NDST4: variants seen among roughly 807,000 people sequenced by gnomAD.
The protein encoded by NDST4 is N-deacetylase and N-sulfotransferase 4, also known as N-heparan sulfate sulfotransferase 4.
NDST4 carries 63 observed loss-of-function variants against 100.8 expected under a neutral mutation model. The observed-to-expected ratio is 0.62, with a 90% CI of 0.51 to 0.77. NDST4 has a LOEUF of 0.77. NDST4 is among the 30% of genes least tolerant of loss of function. NDST4 has a pLI of 0.00. For synonymous variants in NDST4, 377 were observed against 361.8 expected (o/e 1.04, Z -0.48); for missense variants, 943 against 1,018.4 (o/e 0.93, Z 1.01).
chr4:115,074,795 A>G (rs189676034), intron 2 of NDST4, among the ~76,000 whole-genome samples: 1 of 152,306 alleles, frequency 6.6e-6, no homozygotes, highest in East Asian at 1.9e-4. Flanking sequence ...TCTTTGGAAG[A>G]TAAACACTTT....
intron 4 of NDST4, among the ~76,000 whole-genome samples, chr4:114,943,689 A>G (rs1048682434): frequency 6.6e-6 from 1 of 152,218 alleles, no homozygotes; most frequent in Non-Finnish European, 1.5e-5. Flanking sequence ...ACAGTATACT[A>G]GAGCTTGGAA....
At chr4:115,031,233 G>T (rs969933178) in intron 2 of NDST4, among the ~76,000 whole-genome samples, 1 of 152,054 alleles carries the variant, frequency 6.6e-6, no homozygotes, top group Non-Finnish European at 1.5e-5. Context: ...TCTACCTGTT[G>T]TTGTTGTTGT....
chr4:114,933,432 C>CTTTTTTTTTTTTTTTTTTACTTTT, intron 6 of NDST4, among the ~76,000 whole-genome samples: 1 of 89,250 alleles, frequency 1.1e-5, no homozygotes, highest in East Asian at 4.4e-4. Context: ...TTTTCTTTTC[C>CTTTTTTTTTTTTTTTTTTACTTTT]TTTTTTTTTT....
intron 2 of NDST4, among the ~76,000 whole-genome samples, chr4:115,020,004 GA>G (rs576364409): frequency 6.6e-6 from 1 of 152,130 alleles, no homozygotes; most frequent in Non-Finnish European, 1.5e-5. Flanking sequence ...TGATACCGAA[GA>G]GTGGGATTAT....
chr4:114,832,687 T>A (rs1724811712), intron 12 of NDST4, among the ~76,000 whole-genome samples: 1 of 152,102 alleles, frequency 6.6e-6, no homozygotes, highest in African/African-American at 2.4e-5. Context: ...TGGACTGGCT[T>A]TAGTGACTAT....
chr4:114,888,197 A>G (rs907042436), intron 6 of NDST4, among the ~76,000 whole-genome samples: 2 of 151,610 alleles, frequency 1.3e-5, no homozygotes, highest in Non-Finnish European at 2.9e-5. Context: ...AGGAGACTCT[A>G]TCTCAAAATA....
chr4:115,022,486 A>ATGTGTTCCATATATG lies in NDST4; in HGVS notation c.979-45213_979-45212insCATATATGGAACACA, dbSNP rs560000757. Among the ~76,000 whole-genome samples, 5 of 83,920 alleles carry ATGTGTTCCATATATG rather than the reference A, an allele frequency of 6.0e-5. No individual in the cohort carries two copies. In the South Asian group the frequency reaches 9.8e-4, roughly 16 times the overall value. 55.1% of individuals were successfully genotyped at this position (83,920 alleles called of 152,430 possible). The stretch of plus-strand genomic sequence containing the variant: ...TTCCATATATATGTGTTCCATATAT[A>ATGTGTTCCATATATG]TGTTCCATATATATATATGTTCCAT... On this transcript the variant is annotated intron_variant, in intron 2 of 13. Coordinates refer to ENST00000264363, the MANE Select transcript of NDST4 (RefSeq NM_022569.3).
intron 9 of NDST4, among the ~76,000 whole-genome samples, chr4:114,847,203 C>A (rs1427900360): frequency 1.5e-5 from 2 of 135,762 alleles, no homozygotes; most frequent in Non-Finnish European, 3.0e-5. Context: ...GGTGAAACCC[C>A]GTCTCTACTG....
chr4:114,930,179 G>A (rs1175383365), intron 6 of NDST4, among the ~76,000 whole-genome samples: 1 of 152,146 alleles, frequency 6.6e-6, no homozygotes. Flanking sequence ...AAAAGGTGTT[G>A]ATTTTGAAAT....
At chr4:114,963,154 C>A (rs1726301397) in intron 4 of NDST4, among the ~76,000 whole-genome samples, 1 of 151,948 alleles carries the variant, frequency 6.6e-6, no homozygotes, top group South Asian at 2.1e-4. Context: ...GGAAACAACC[C>A]CAAAACAACC....
chr4:114,850,949 T>C (rs1228010008), intron 8 of NDST4, among the ~76,000 whole-genome samples: 2 of 152,198 alleles, frequency 1.3e-5, no homozygotes, highest in Admixed American at 1.3e-4. Context: ...TCTCTGCCTA[T>C]TTCTCTTCTC....
intron 2 of NDST4, among the ~76,000 whole-genome samples, chr4:115,045,978 C>T (rs371101944): frequency 7.9e-5 from 12 of 152,106 alleles, no homozygotes; most frequent in East Asian, 1.9e-4. Context: ...CCGGAAGGTA[C>T]GCCTATTCAC....
intron 6 of NDST4, among the ~76,000 whole-genome samples, chr4:114,889,257 G>A (rs17047470): frequency 0.025 from 3,735 of 152,242 alleles, 169 homozygotes; most frequent in African/African-American, 0.085. Context: ...GCCTTCCCAA[G>A]ATACGTGTGA....
chr4:114,996,845 T>A (rs1560850465), intron 2 of NDST4, among the ~76,000 whole-genome samples: 1 of 152,236 alleles, frequency 6.6e-6, no homozygotes, highest in Middle Eastern at 3.4e-3. Context: ...ATAATTTCTT[T>A]TTCATGTGTT....
intron 6 of NDST4, among the ~76,000 whole-genome samples, chr4:114,895,602 T>C (rs1295625583): frequency 6.7e-6 from 1 of 149,608 alleles, no homozygotes; most frequent in South Asian, 2.1e-4. Context: ...TTCTAAACAA[T>C]TTAAAAGGAG....
At position 114,935,209 on chromosome 4, in the gene NDST4, GT is replaced by G; in HGVS notation, c.1532del (p.Asn511ThrfsTer7). The G allele has an allele frequency of 6.2e-7, 1 of 1,605,442 alleles. No homozygotes were observed. The highest frequency in any genetic ancestry group is 8.5e-7 in the Non-Finnish European group (1 of 1,176,134). On this transcript the variant is annotated frameshift_variant, in exon 6 of 14. Coordinates refer to ENST00000264363, the MANE Select transcript of NDST4 (RefSeq NM_022569.3). LOFTEE classifies it high-confidence loss of function. The part of the protein sequence containing the change: ...GGELFLTILL[N>X]PISIFMTHLS... ...GGTGCATACATAGAATACATACTGG[GT>G]TTAGAAGGATTGTGAGAAAAAGTTC... is the stretch of plus-strand genomic sequence containing the variant.
At chr4:115,010,441 AAAAC>A (rs930326014) in intron 2 of NDST4, among the ~76,000 whole-genome samples, 3 of 128,922 alleles carry the variant, frequency 2.3e-5, no homozygotes, top group African/African-American at 8.8e-5. Context: ...CAAGAACAAA[AAAAC>A]AAACACCGCA....
intron 4 of NDST4, among the ~76,000 whole-genome samples, chr4:114,947,711 T>C (rs1329815213): frequency 3.4e-5 from 5 of 149,054 alleles, no homozygotes; most frequent in Non-Finnish European, 7.4e-5. Context: ...ATTCAAATCA[T>C]ACAATTTTCA....
chr4:115,050,404 T>TCACA (rs2126278550), intron 2 of NDST4, among the ~76,000 whole-genome samples: 2 of 138,606 alleles, frequency 1.4e-5, no homozygotes, highest in African/African-American at 5.6e-5. Context: ...AAATGAAGCA[T>TCACA]TACACACACA....
Sources: gnomAD v4.1 joint callset for allele counts (sites outside exome capture counted in the v4.1 genomes callset) on GRCh38, gnomAD v4.1.1 for gene constraint, MANE v1.5 for transcripts, NCBI Gene and HGNC (gene_info 2026-07-23, HGNC 2026-07-21) for gene names.